The following RIMS1 variants were observed in gnomAD, a reference collection of about 807,000 sequenced individuals.
The protein encoded by RIMS1 is regulating synaptic membrane exocytosis 1.
In RIMS1, 83 loss-of-function variants were observed where a neutral mutation model predicts 214.1. The observed-to-expected ratio is 0.39, with a 90% CI of 0.32 to 0.47. The LOEUF (loss-of-function observed/expected upper bound fraction) is 0.47, where lower values mean the gene tolerates loss of function less well. Among genes scored for constraint, RIMS1 ranks in the 20% least tolerant of loss-of-function variants. The pLI is 0.99. For missense variants in RIMS1, 2,050 were observed against 2,161.8 expected, an observed-to-expected ratio of 0.95 and a Z score of 1.03; for synonymous variants, 793 against 786.8, an observed-to-expected ratio of 1.01 and a Z score of -0.13.
chr6:72,143,032 G>A (rs968630050), intron 4 of RIMS1, among the ~76,000 whole-genome samples: 3 of 152,090 alleles, frequency 2.0e-5, no homozygotes, highest in Non-Finnish European at 2.9e-5. Flanking sequence ...TCAAAGAATT[G>A]TGATGTGATG....
intron 6 of RIMS1, among the ~76,000 whole-genome samples, chr6:72,231,689 T>A (rs1445673428): frequency 1.3e-5 from 2 of 151,710 alleles, no homozygotes; most frequent in East Asian, 3.8e-4. Flanking sequence ...TTATATATCA[T>A]AGAATAGCAC....
intron 2 of RIMS1, among the ~76,000 whole-genome samples, chr6:71,973,062 A>G (rs974540253): frequency 1.3e-5 from 2 of 152,150 alleles, no homozygotes; most frequent in African/African-American, 2.4e-5. Context: ...GGCATGCGCC[A>G]CCACACCCAG....
intron 29 of RIMS1, among the ~76,000 whole-genome samples, chr6:72,342,588 C>T (rs769798676): frequency 3.3e-5 from 5 of 150,590 alleles, no homozygotes; most frequent in Admixed American, 6.7e-5. Flanking sequence ...TTTTCTTGTA[C>T]CAGACTCTGT....
intron 29 of RIMS1, among the ~76,000 whole-genome samples, chr6:72,339,967 G>A (rs1448365790): frequency 6.6e-6 from 1 of 152,028 alleles, no homozygotes; most frequent in Non-Finnish European, 1.5e-5. Flanking sequence ...ACTTTTTAAT[G>A]ATCACCATTC....
chr6:72,169,374 A>G (rs1005315827), intron 4 of RIMS1, among the ~76,000 whole-genome samples: 2 of 152,208 alleles, frequency 1.3e-5, no homozygotes, highest in African/African-American at 4.8e-5. Context: ...TACATCTTTC[A>G]TGAAGCCTAT....
chr6:72,087,279 T>G (rs1021155172), intron 2 of RIMS1, among the ~76,000 whole-genome samples: 1 of 152,222 alleles, frequency 6.6e-6, no homozygotes. Context: ...GTCCTGGGGA[T>G]TTTACCATGC....
intron 28 of RIMS1, among the ~76,000 whole-genome samples, chr6:72,318,789 G>T (rs1016782550): frequency 5.3e-5 from 8 of 152,102 alleles, no homozygotes; most frequent in African/African-American, 1.9e-4. Context: ...GACCTGAAAG[G>T]TTTCCAAAGA....
intron 27 of RIMS1, among the ~76,000 whole-genome samples, chr6:72,308,150 G>T (rs1329638497): frequency 6.6e-6 from 1 of 151,994 alleles, no homozygotes; most frequent in African/African-American, 2.4e-5. Flanking sequence ...AAAAGTAACT[G>T]ATTTCAAACT....
intron 19 of RIMS1, chr6:72,262,499 TG>T: frequency 1.0e-6 from 1 of 985,344 alleles, no homozygotes; most frequent in Non-Finnish European, 1.2e-6. Flanking sequence ...GCGAAACATA[TG>T]TCACCAGTGT....
chr6:72,072,365 C>T (rs1019294674), intron 2 of RIMS1, among the ~76,000 whole-genome samples: 6 of 152,122 alleles, frequency 3.9e-5, no homozygotes, highest in Admixed American at 3.9e-4. Flanking sequence ...CCACATAAAA[C>T]ATCAGGAGGA....
chr6:71,979,360 G>A (rs747134959), intron 2 of RIMS1, among the ~76,000 whole-genome samples: 2 of 152,004 alleles, frequency 1.3e-5, no homozygotes, highest in Non-Finnish European at 1.5e-5. Flanking sequence ...GCATATGGAA[G>A]ACAAAACATG....
At chr6:71,974,184 A>T (rs1796585665) in intron 2 of RIMS1, among the ~76,000 whole-genome samples, 2 of 152,146 alleles carry the variant, frequency 1.3e-5, no homozygotes, top group South Asian at 4.1e-4. Flanking sequence ...TGCTTCTGGT[A>T]TGAGAACGTT....
intron 19 of RIMS1, chr6:72,262,602 T>C (rs1049957048): frequency 3.2e-6 from 3 of 947,828 alleles, no homozygotes; most frequent in Non-Finnish European, 3.8e-6. Context: ...TGCATGTATG[T>C]ATATATAATC....
intron 26 of RIMS1, among the ~76,000 whole-genome samples, chr6:72,300,695 C>T (rs979028496): frequency 4.6e-5 from 7 of 151,722 alleles, no homozygotes; most frequent in Non-Finnish European, 1.0e-4. Flanking sequence ...CTTTGTATAA[C>T]CCTAAAGGAC....
intron 2 of RIMS1, among the ~76,000 whole-genome samples, chr6:72,081,533 A>G (rs1434106024): frequency 6.6e-6 from 1 of 152,176 alleles, no homozygotes; most frequent in African/African-American, 2.4e-5. Flanking sequence ...GATTAGTGAA[A>G]GCATTATGAC....
At chr6:71,889,737 C>G (rs371563379) in intron 1 of RIMS1, among the ~76,000 whole-genome samples, 28 of 152,288 alleles carry the variant, frequency 1.8e-4, no homozygotes, top group African/African-American at 6.5e-4. Context: ...GACATAATGA[C>G]ACATAGTCAT....
At chr6:72,314,330 G>A (rs72933543) in intron 28 of RIMS1, among the ~76,000 whole-genome samples, 2,041 of 152,182 alleles carry the variant, frequency 0.013, 22 homozygotes, top group Non-Finnish European at 0.02. Context: ...AGTTATAGTC[G>A]TGTAACCTAA....
At chr6:72,395,848 T>G (rs1398439709) in intron 31 of RIMS1, among the ~76,000 whole-genome samples, 1 of 151,896 alleles carries the variant, frequency 6.6e-6, no homozygotes, top group Non-Finnish European at 1.5e-5. Flanking sequence ...TATTAAATTA[T>G]CACACATACC....
At chr6:71,955,007 CT>C (rs1790804339) in intron 1 of RIMS1, among the ~76,000 whole-genome samples, 1 of 151,982 alleles carries the variant, frequency 6.6e-6, no homozygotes, top group South Asian at 2.1e-4. Flanking sequence ...CTTCTTTGCT[CT>C]AAAAATATTT....
Sources: gnomAD v4.1 joint callset for allele counts (sites outside exome capture counted in the v4.1 genomes callset) on GRCh38, gnomAD v4.1.1 for gene constraint, MANE v1.5 for transcripts, NCBI Gene and HGNC (gene_info 2026-07-23, HGNC 2026-07-21) for gene names.